Variants in OSBPL5 observed in about 807,000 individuals in gnomAD.
OSBPL5 encodes the protein oxysterol binding protein like 5.
OSBPL5 carries 71 observed loss-of-function variants against 111.2 expected under a neutral mutation model. The observed-to-expected ratio is 0.64, with a 90% CI of 0.53 to 0.78. The LOEUF (loss-of-function observed/expected upper bound fraction) is 0.78. Among genes scored for constraint, OSBPL5 ranks in the 30% least tolerant of loss-of-function variants. The probability of loss-of-function intolerance (pLI) is 0.00; values close to 1 mark genes in which losing one functional copy is unlikely to be tolerated. For missense variants in OSBPL5, 1,210 were observed against 1,189.3 expected, an observed-to-expected ratio of 1.02 and a Z score of -0.26; for synonymous variants, 549 against 513.9, an observed-to-expected ratio of 1.07 and a Z score of -0.93.
At chr11:3,127,910 C>A (rs1325645749) in intron 2 of OSBPL5, among the ~76,000 whole-genome samples, 1 of 152,208 alleles carries the variant, frequency 6.6e-6, no homozygotes, top group Non-Finnish European at 1.5e-5. Flanking sequence ...GTCTTCTGCA[C>A]CGCCTGGGCC....
chr11:3,155,439 CAGCTCTGCCACTCACCCT>C (rs1201027915), intron 1 of OSBPL5, among the ~76,000 whole-genome samples: 3 of 152,032 alleles, frequency 2.0e-5, no homozygotes, highest in East Asian at 1.9e-4. Context: ...CCACTCACCC[CAGCTCTGCCACTCACCCT>C]AGCTCTGCCA....
intron 14 of OSBPL5, among the ~76,000 whole-genome samples, chr11:3,098,173 A>G (rs1218814176): frequency 6.6e-6 from 1 of 152,070 alleles, no homozygotes; most frequent in African/African-American, 2.4e-5. Flanking sequence ...TGGAAAACTC[A>G]GTGGATGAGT....
In OSBPL5 at chr11:3,142,155, G is replaced by A. The variant is rs1846140838; in HGVS notation, c.-21-12986C>T. Reference sequence around the variant, plus strand: ...GCTGGTCTCCAACTCCCGACCTCAAGTGATCTGCCCTCCTCGGCGTCCCAA... The same window carrying A: ...GCTGGTCTCCAACTCCCGACCTCAAATGATCTGCCCTCCTCGGCGTCCCAA... On this transcript the variant is annotated intron_variant, in intron 1 of 21. Transcript: ENST00000263650. This position sits in a 1 kb window ranked among gnomAD's most constrained non-coding sequence, Gnocchi z 7.1. 6.6e-6 allele frequency among the ~76,000 whole-genome samples: 1 copy of A among 152,208 alleles called. No individual in the cohort carries two copies.
At position 3,140,909 on chromosome 11, in the gene OSBPL5, G is replaced by A. The variant is rs1343053488; in HGVS notation, c.-21-11740C>T. Among the ~76,000 whole-genome samples, 2 of 152,006 alleles carry A rather than the reference G, an allele frequency of 1.3e-5. No homozygotes were observed. Among genetic ancestry groups the A allele is most frequent in the African/African-American group, 4.8e-5 (2 of 41,394 alleles). Reference sequence around the variant, plus strand: ...AGCCCATGGGTGTGACAGCCCAGGGGGCCCTGGGGCCAGGTGACCACCTCA... The same window carrying A: ...AGCCCATGGGTGTGACAGCCCAGGGAGCCCTGGGGCCAGGTGACCACCTCA... On this transcript the variant is annotated intron_variant, in intron 1 of 21. Transcript: ENST00000263650. This position sits in a 1 kb window ranked among gnomAD's most constrained non-coding sequence, Gnocchi z 4.5.
chr11:3,112,490 T>C (rs1184847954), intron 7 of OSBPL5, among the ~76,000 whole-genome samples: 10 of 150,956 alleles, frequency 6.6e-5, no homozygotes. Flanking sequence ...TTTTTTTTTT[T>C]TTTTTGACTA....
At chr11:3,164,883 G>A (rs926894541) in intron 1 of OSBPL5, among the ~76,000 whole-genome samples, 2 of 152,082 alleles carry the variant, frequency 1.3e-5, no homozygotes, top group Admixed American at 1.3e-4. Flanking sequence ...GCTCCTTTAA[G>A]CCCCACCAAG....
At chr11:3,148,612 T>C (rs1846452168) in intron 1 of OSBPL5, among the ~76,000 whole-genome samples, 1 of 152,164 alleles carries the variant, frequency 6.6e-6, no homozygotes, top group African/African-American at 2.4e-5. Flanking sequence ...CTTTTGTACA[T>C]CTTTGACATT....
chr11:3,110,076 G>A lies in OSBPL5; in HGVS notation c.692-2131C>T, dbSNP rs532019925. 4.6e-5 allele frequency among the ~76,000 whole-genome samples: 7 copies of A among 152,292 alleles called. No individual in the cohort carries two copies. Among genetic ancestry groups the A allele is most frequent in the Middle Eastern group, 3.4e-3 (1 of 294 alleles). ...GCCTGCATGGGACCTGGCACATAGT[G>A]GGGCACTCAGGATGGCCCAGGAAGG... On this transcript the variant is annotated intron_variant, in intron 7 of 21. Coordinates refer to ENST00000263650, the MANE Select transcript of OSBPL5 (RefSeq NM_020896.4). This position sits in a 1 kb window ranked among gnomAD's most constrained non-coding sequence, Gnocchi z 5.3.
Position 3,110,688 on chromosome 11 carries a change from T to C in OSBPL5, c.692-2743A>G, listed in dbSNP as rs1459628262. Among the ~76,000 whole-genome samples the C allele has an allele frequency of 6.6e-6, 1 of 152,146 alleles. No homozygotes were observed. The highest frequency in any genetic ancestry group is 1.5e-5 in the Non-Finnish European group (1 of 68,046). On this transcript the variant is annotated intron_variant, in intron 7 of 21. Transcript: ENST00000263650. The surrounding 1 kb of genome is among the most constrained non-coding windows in gnomAD (Gnocchi z 5.3). ...TCACCCCTCTGCTCACTGAGATAAA[T>C]GCATATCTCATTGTCTCCTTTGGAG...
chr11:3,149,745 C>A (rs1020394396), intron 1 of OSBPL5, among the ~76,000 whole-genome samples: 28 of 152,242 alleles, frequency 1.8e-4, no homozygotes, highest in African/African-American at 6.3e-4. Context: ...ATCAAACGAC[C>A]CCCCCGTCAC....
At position 3,165,214 on chromosome 11, in the gene OSBPL5, A is replaced by G. The variant is rs1847085594; in HGVS notation, c.-22+2T>C. 1 of 148,084 alleles carries G rather than the reference A, an allele frequency of 6.8e-6. No homozygotes were observed. Among genetic ancestry groups the G allele is most frequent in the South Asian group, 2.1e-4 (1 of 4,708 alleles). 9.2% of individuals were successfully genotyped at this position (148,084 alleles called of 1,614,324 possible). On this transcript the variant is annotated splice_donor_variant, in intron 1 of 21. Coordinates refer to ENST00000263650, the MANE Select transcript of OSBPL5 (RefSeq NM_020896.4). LOFTEE classifies it low-confidence loss of function (5UTR_SPLICE). This position sits in a 1 kb window ranked among gnomAD's most constrained non-coding sequence, Gnocchi z 7.4. ...CCGCCCCCCGGGCCGCCGCGCTCCT[A>G]CCTCCTACCGTGCCGCGAGCTCGGT...
chr11:3,136,865 G>A (rs1845962742), intron 1 of OSBPL5, among the ~76,000 whole-genome samples: 1 of 152,258 alleles, frequency 6.6e-6, no homozygotes, highest in African/African-American at 2.4e-5. Flanking sequence ...GAACTCCGCA[G>A]CCAGCCTTCA....
chr11:3,122,239 G>A, intron 4 of OSBPL5, 109 bp downstream of exon 4: 1 of 1,353,144 alleles, frequency 7.4e-7, no homozygotes, highest in African/African-American at 1.4e-5. Flanking sequence ...GAGGCGACCA[G>A]GTGCGGTTTG....
rs980099885 is a variant in OSBPL5, at chr11:3,154,975, A to G, written c.-22+10241T>C. ...AAAACAGGTCATTAGGGTGGGCCCTAGTCCAATCTCACTGGTGTCCTTATA... is the reference window on the plus strand; with the variant it reads ...AAAACAGGTCATTAGGGTGGGCCCTGGTCCAATCTCACTGGTGTCCTTATA... On this transcript the variant is annotated intron_variant, in intron 1 of 21. Transcript: ENST00000263650. The surrounding 1 kb of genome is among the most constrained non-coding windows in gnomAD (Gnocchi z 4.9). Among the ~76,000 whole-genome samples the G allele has an allele frequency of 6.6e-6, 1 of 152,224 alleles. No individual in the cohort carries two copies. Among genetic ancestry groups the G allele is most frequent in the Admixed American group, 6.5e-5 (1 of 15,284 alleles).
chr11:3,108,040 C>A, intron 7 of OSBPL5, 95 bp from the exon 8 acceptor site: 1 of 1,474,034 alleles, frequency 6.8e-7, no homozygotes, highest in Non-Finnish European at 9.1e-7. Flanking sequence ...CACTCTGACT[C>A]TTCAGGGACC....
chr11:3,098,744 A>T (rs1273823954), intron 14 of OSBPL5, among the ~76,000 whole-genome samples: 1 of 151,602 alleles, frequency 6.6e-6, no homozygotes, highest in East Asian at 1.9e-4. Flanking sequence ...ACCTCAGGTG[A>T]TCCATTTGCC....
rs202021793 is a variant in OSBPL5, at chr11:3,093,604, C to A, written c.1869G>T (p.Pro623=). The part of the protein sequence containing the change: ...GSGSSALFWT[P]SGEVRRQRLR... Reference sequence around the variant, plus strand: ...GCCTCTGTCTGCGGACCTCCCCGCTCGGGGTCCAGAAAAGCGCACTGCTTC... The same window carrying A: ...GCCTCTGTCTGCGGACCTCCCCGCTAGGGGTCCAGAAAAGCGCACTGCTTC... Residue 623 remains proline, a synonymous_variant, in exon 17 of 22, where the codon CCG becomes CCT. Coordinates refer to ENST00000263650, the MANE Select transcript of OSBPL5 (RefSeq NM_020896.4). 1.2e-6 allele frequency: 2 copies of A among 1,612,880 alleles called. No homozygotes were observed. The highest frequency in any genetic ancestry group is 1.1e-5 in the South Asian group (1 of 91,088).
In OSBPL5 at chr11:3,165,031, G is replaced by A. The variant is rs1446241062; in HGVS notation, c.-22+185C>T. Among the ~76,000 whole-genome samples the A allele has an allele frequency of 4.7e-5, 7 of 150,456 alleles. No homozygotes were observed. The highest frequency in any genetic ancestry group is 1.5e-4 in the African/African-American group (6 of 41,122). On this transcript the variant is annotated intron_variant, in intron 1 of 21. Coordinates refer to ENST00000263650, the MANE Select transcript of OSBPL5 (RefSeq NM_020896.4). The surrounding 1 kb of genome is among the most constrained non-coding windows in gnomAD (Gnocchi z 7.4). The stretch of plus-strand genomic sequence containing the variant: ...CTCCCCAGCGCGCGACCGGCCCCGC[G>A]GCGTGGTTCCCCGCACTGGCTACTG...
chr11:3,131,889 C>CT (rs1845816651), intron 1 of OSBPL5, among the ~76,000 whole-genome samples: 1 of 143,034 alleles, frequency 7.0e-6, no homozygotes. Flanking sequence ...ACCCATCCAC[C>CT]CACCCTCCCT....
Sources: allele counts gnomAD v4.1 joint callset (sites outside exome capture counted in the v4.1 genomes callset), GRCh38; gene constraint gnomAD v4.1.1; non-coding constraint Gnocchi (gnomAD v3.1); transcripts MANE v1.5; gene names NCBI Gene and HGNC (gene_info 2026-07-23, HGNC 2026-07-21).